The following RBFOX1 variants were observed in gnomAD, a reference collection of about 807,000 sequenced individuals.
The protein encoded by RBFOX1 is RNA binding fox-1 homolog 1.
RBFOX1 carries 8 observed loss-of-function variants against 57.7 expected under a neutral mutation model. The observed-to-expected ratio is 0.14, with a 90% CI of 0.08 to 0.25. The LOEUF is 0.25. RBFOX1 is among the 10% of genes least tolerant of loss of function. RBFOX1 has a pLI of 1.00. For missense variants in RBFOX1, 611 were observed against 548.5 expected (o/e 1.11, Z -1.14); for synonymous variants, 326 against 222.4 (o/e 1.47, Z -4.15).
At chr16:6,841,379 C>T (rs1408914421) in intron 3 of RBFOX1, among the ~76,000 whole-genome samples, 3 of 152,150 alleles carry the variant, frequency 2.0e-5, no homozygotes, top group Admixed American at 2.0e-4. Context: ...AATAGCCTCA[C>T]TCACACTAAA....
intron 3 of RBFOX1, among the ~76,000 whole-genome samples, chr16:6,862,767 C>G (rs2059238855): frequency 6.6e-6 from 1 of 152,036 alleles, no homozygotes; most frequent in Non-Finnish European, 1.5e-5. Flanking sequence ...GGTGGATCAC[C>G]TGAGGTCAGG....
At chr16:6,305,572 C>T (rs1184711553) in intron 1 of RBFOX1, among the ~76,000 whole-genome samples, 1 of 151,242 alleles carries the variant, frequency 6.6e-6, no homozygotes, top group African/African-American at 2.4e-5. Flanking sequence ...GTCTCAAGGC[C>T]CTCTTCAGCT....
At chr16:7,691,771 G>C (rs1178234440) in intron 14 of RBFOX1, among the ~76,000 whole-genome samples, 1 of 152,114 alleles carries the variant, frequency 6.6e-6, no homozygotes, top group Non-Finnish European at 1.5e-5. Flanking sequence ...CTAGCAATCT[G>C]TTCTAGGATT....
chr16:7,102,429 C>T (rs906690091), intron 4 of RBFOX1, among the ~76,000 whole-genome samples: 1 of 152,030 alleles, frequency 6.6e-6, no homozygotes, highest in Non-Finnish European at 1.5e-5. Context: ...TAGATGTCTT[C>T]GCAGGATTTA....
At chr16:5,902,968 G>A (rs1280793912) in intron 4 of RBFOX1, among the ~76,000 whole-genome samples, 1 of 152,028 alleles carries the variant, frequency 6.6e-6, no homozygotes, top group Non-Finnish European at 1.5e-5. Context: ...CTTATCTCAG[G>A]TAAGTGTTTC....
intron 3 of RBFOX1, among the ~76,000 whole-genome samples, chr16:6,911,667 A>C (rs1299019659): frequency 6.6e-6 from 1 of 152,228 alleles, no homozygotes; most frequent in Non-Finnish European, 1.5e-5. Context: ...GGTGGGAACA[A>C]AGTTCAATCC....
At chr16:6,056,638 G>T (rs1370009809) in intron 1 of RBFOX1, among the ~76,000 whole-genome samples, 4 of 152,124 alleles carry the variant, frequency 2.6e-5, no homozygotes, top group Non-Finnish European at 5.9e-5. Flanking sequence ...GGAGACTGGC[G>T]TGGTCGCTGA....
At chr16:6,561,092 G>T (rs1384422150) in intron 2 of RBFOX1, among the ~76,000 whole-genome samples, 1 of 152,146 alleles carries the variant, frequency 6.6e-6, no homozygotes, top group Non-Finnish European at 1.5e-5. Context: ...CATTAGTGCT[G>T]TTTTAATTTG....
At chr16:7,695,763 G>T (rs1449340783) in intron 14 of RBFOX1, among the ~76,000 whole-genome samples, 1 of 151,456 alleles carries the variant, frequency 6.6e-6, no homozygotes, top group Admixed American at 6.6e-5. Flanking sequence ...CAGGTGTATT[G>T]AATCCTGCTA....
intron 4 of RBFOX1, among the ~76,000 whole-genome samples, chr16:7,074,337 G>A (rs1267724743): frequency 6.6e-6 from 1 of 152,196 alleles, no homozygotes; most frequent in Non-Finnish European, 1.5e-5. Context: ...GATTCTGTTA[G>A]GTTGATGCAA....
chr16:7,377,072 C>G (rs973431060), intron 4 of RBFOX1, among the ~76,000 whole-genome samples: 3 of 152,190 alleles, frequency 2.0e-5, no homozygotes, highest in African/African-American at 7.2e-5. Context: ...TTAAAATTAG[C>G]TTTCAGTTTC....
intron 1 of RBFOX1, among the ~76,000 whole-genome samples, chr16:5,265,782 G>A (rs1012346128): frequency 1.8e-4 from 28 of 152,160 alleles, no homozygotes; most frequent in African/African-American, 3.4e-4. Context: ...TGAATGGTGC[G>A]TTTCTCCTGT....
chr16:7,397,902 A>T (rs1410189392), intron 4 of RBFOX1, among the ~76,000 whole-genome samples: 1 of 152,086 alleles, frequency 6.6e-6, no homozygotes, highest in Non-Finnish European at 1.5e-5. Context: ...AGATGAAACT[A>T]CCTGATTTTT....
chr16:7,570,782 C>T (rs1364608651), intron 5 of RBFOX1, among the ~76,000 whole-genome samples: 1 of 152,148 alleles, frequency 6.6e-6, no homozygotes, highest in South Asian at 2.1e-4. Flanking sequence ...GACACACATA[C>T]ACATGTATGT....
At chr16:5,949,167 C>G (rs913225405) in intron 4 of RBFOX1, among the ~76,000 whole-genome samples, 1 of 152,030 alleles carries the variant, frequency 6.6e-6, no homozygotes, top group African/African-American at 2.4e-5. Flanking sequence ...CATTAGCTGA[C>G]CTAAGACATA....
intron 1 of RBFOX1, among the ~76,000 whole-genome samples, chr16:6,315,607 G>C (rs755216607): frequency 8.6e-5 from 13 of 151,868 alleles, no homozygotes; most frequent in South Asian, 8.3e-4. Context: ...ATGGATGGAT[G>C]AATGAGTGCA....
intron 1 of RBFOX1, among the ~76,000 whole-genome samples, chr16:6,031,448 T>C (rs978479228): frequency 1.3e-5 from 2 of 152,220 alleles, no homozygotes; most frequent in Non-Finnish European, 2.9e-5. Context: ...TACCATCCTT[T>C]ATAAGCATAT....
intron 4 of RBFOX1, among the ~76,000 whole-genome samples, chr16:5,912,216 G>T (rs931094674): frequency 6.6e-6 from 1 of 152,240 alleles, no homozygotes. Context: ...CCATGTAGGG[G>T]GTTTGCTGAG....
Position 6,664,832 on chromosome 16 carries a change from A to C in RBFOX1, c.-16+10182A>C, listed in dbSNP as rs138372733. Among the ~76,000 whole-genome samples the C allele has an allele frequency of 4.6e-3, 698 of 152,322 alleles. 7 individuals are homozygous for C. Among genetic ancestry groups the C allele is most frequent in the African/African-American group, 0.015 (629 of 41,574 alleles). On this transcript the variant is annotated intron_variant, in intron 3 of 15. Coordinates refer to ENST00000550418, the MANE Select transcript of RBFOX1 (RefSeq NM_018723.4). Reference sequence around the variant, plus strand: ...GCAAGGTAGTACAGTTTTGCAGTCAAACGGATCTGGAGTTGAATCCCGGTT... The same window carrying C: ...GCAAGGTAGTACAGTTTTGCAGTCACACGGATCTGGAGTTGAATCCCGGTT...
Sources: allele counts gnomAD v4.1 joint callset (sites outside exome capture counted in the v4.1 genomes callset), GRCh38; gene constraint gnomAD v4.1.1; transcripts MANE v1.5; gene names NCBI Gene and HGNC (gene_info 2026-07-23, HGNC 2026-07-21).